The following TAMM41 variants were observed in gnomAD, a reference collection of about 807,000 sequenced individuals.
TAMM41 encodes phosphatidate cytidylyltransferase, mitochondrial.
In TAMM41, 36 loss-of-function variants were observed where a neutral mutation model predicts 44.1. That is an observed-to-expected ratio of 0.82 (90% confidence interval 0.63 to 1.08). TAMM41 has a LOEUF of 1.08. TAMM41 is among the 50% of genes least tolerant of loss of function. The probability of loss-of-function intolerance (pLI) is 0.00; values close to 1 mark genes in which losing one functional copy is unlikely to be tolerated. For missense variants in TAMM41, 417 were observed against 404.3 expected (o/e 1.03, Z -0.27); for synonymous variants, 164 against 153.1 (o/e 1.07, Z -0.53).
the TAMM41 span, among the ~76,000 whole-genome samples, chr3:11,780,903 C>T: frequency 6.6e-6 from 1 of 152,328 alleles, no homozygotes; most frequent in South Asian, 2.1e-4. Context: ...GAATGAACTT[C>T]TGTTCACAGC....
the TAMM41 span, among the ~76,000 whole-genome samples, chr3:11,724,624 C>A: frequency 1.3e-5 from 2 of 151,718 alleles, no homozygotes; most frequent in Admixed American, 1.3e-4. Flanking sequence ...CCATGTTGAC[C>A]AAGTTGGTCT....
intron 2 of TAMM41, among the ~76,000 whole-genome samples, chr3:11,840,531 G>A (rs182902272): frequency 5.5e-4 from 84 of 152,102 alleles, no homozygotes; most frequent in African/African-American, 1.5e-3. Flanking sequence ...TACCATGCCC[G>A]GCCTGATTAA....
At chr3:11,739,587 G>T in the TAMM41 span, among the ~76,000 whole-genome samples, 1 of 141,548 alleles carries the variant, frequency 7.1e-6, no homozygotes, top group Non-Finnish European at 1.5e-5. Context: ...AGGGAGAATT[G>T]CTTGGACCCG....
intron 7 of TAMM41, among the ~76,000 whole-genome samples, chr3:11,800,547 TAA>T (rs60989120): frequency 0.16 from 22,657 of 145,314 alleles, 3,408 homozygotes; most frequent in East Asian, 0.48. Context: ...CAAAAACAGT[TAA>T]AAAAAAAAAA....
chr3:11,740,048 T>C, the TAMM41 span, among the ~76,000 whole-genome samples: 1 of 152,000 alleles, frequency 6.6e-6, no homozygotes, highest in East Asian at 1.9e-4. Context: ...AATTACTTTT[T>C]TGGAGACTCT....
chr3:11,782,336 A>T, the TAMM41 span, among the ~76,000 whole-genome samples: 2 of 152,160 alleles, frequency 1.3e-5, no homozygotes, highest in African/African-American at 4.8e-5. Flanking sequence ...ACTTGAGCCC[A>T]GCAGCTCAAG....
the TAMM41 span, among the ~76,000 whole-genome samples, chr3:11,768,527 CAT>C: frequency 1.3e-5 from 2 of 152,184 alleles, no homozygotes; most frequent in Admixed American, 6.5e-5. Flanking sequence ...AGAAGAAAAA[CAT>C]ATGTTTTATG....
At chr3:11,749,991 G>A in the TAMM41 span, among the ~76,000 whole-genome samples, 9 of 151,002 alleles carry the variant, frequency 6.0e-5, no homozygotes, top group African/African-American at 1.5e-4. Context: ...TCCACCTCCC[G>A]GTTCATGTTA....
At chr3:11,795,766 G>T (rs548213512) in intron 7 of TAMM41, among the ~76,000 whole-genome samples, 72 of 152,216 alleles carry the variant, frequency 4.7e-4, no homozygotes, top group Non-Finnish European at 8.8e-4. Flanking sequence ...CTCCACTCGC[G>T]TTAGAAACTT....
chr3:11,781,004 G>A, the TAMM41 span, among the ~76,000 whole-genome samples: 2 of 152,180 alleles, frequency 1.3e-5, no homozygotes, highest in South Asian at 2.1e-4. Context: ...CCACAGCACC[G>A]TCATCTTGGC....
the TAMM41 span, among the ~76,000 whole-genome samples, chr3:11,729,795 A>G: frequency 6.6e-6 from 1 of 150,988 alleles, no homozygotes; most frequent in African/African-American, 2.4e-5. Flanking sequence ...ACTGACTGCA[A>G]GGAAGGAAGG....
the TAMM41 span, among the ~76,000 whole-genome samples, chr3:11,765,637 T>G: frequency 2.8e-4 from 43 of 152,224 alleles, no homozygotes; most frequent in African/African-American, 1.0e-3. Context: ...AAGACCATAT[T>G]TTAGAGACAT....
At chr3:11,760,587 G>T in the TAMM41 span, among the ~76,000 whole-genome samples, 1 of 143,018 alleles carries the variant, frequency 7.0e-6, no homozygotes, top group Non-Finnish European at 1.5e-5. Flanking sequence ...TTGAGATAGG[G>T]TCTTGCTCTG....
chr3:11,792,939 T>C (rs1055659492), intron 7 of TAMM41, among the ~76,000 whole-genome samples: 1 of 151,682 alleles, frequency 6.6e-6, no homozygotes, highest in Non-Finnish European at 1.5e-5. Context: ...CATGTGCCTG[T>C]AGTCCCAGCT....
At chr3:11,846,392 A>C (rs569796625) in intron 1 of TAMM41, 110 bp downstream of exon 1, 2 of 1,264,652 alleles carry the variant, frequency 1.6e-6, no homozygotes, top group African/African-American at 2.9e-5. Flanking sequence ...GCTAGTGGAC[A>C]CGTGGAGTGT....
At chr3:11,782,749 C>T in the TAMM41 span, among the ~76,000 whole-genome samples, 1 of 152,196 alleles carries the variant, frequency 6.6e-6, no homozygotes, top group African/African-American at 2.4e-5. Context: ...CTTTAGTTTA[C>T]TCCTTTATTC....
the TAMM41 span, among the ~76,000 whole-genome samples, chr3:11,771,039 T>A: frequency 6.6e-6 from 1 of 151,958 alleles, no homozygotes; most frequent in African/African-American, 2.4e-5. Context: ...TGCAGTTCTC[T>A]CTAGGCTTAG....
chr3:11,786,316 A>T (rs9815189), downstream of TAMM41, among the ~76,000 whole-genome samples: 1,538 of 134,590 alleles, frequency 0.011, 10 homozygotes, highest in Non-Finnish European at 0.012. Context: ...TATTATTATT[A>T]TTTTTTGAGA....
chr3:11,837,474 T>C (rs2079231582), intron 3 of TAMM41, among the ~76,000 whole-genome samples: 1 of 152,014 alleles, frequency 6.6e-6, no homozygotes, highest in Non-Finnish European at 1.5e-5. Context: ...TCTCCCACTT[T>C]TTTTTTTTCC....
Sources: allele counts gnomAD v4.1 joint callset (sites outside exome capture counted in the v4.1 genomes callset), GRCh38; gene constraint gnomAD v4.1.1; transcripts MANE v1.5; gene names NCBI Gene and HGNC (gene_info 2026-07-23, HGNC 2026-07-21).